The following CTNNA2 variants were observed in gnomAD, a reference collection of about 807,000 sequenced individuals.
The protein encoded by CTNNA2 is catenin alpha 2, also known as catenin alpha-2.
In CTNNA2, 42 loss-of-function variants were observed where a neutral mutation model predicts 101.0. The ratio of observed to expected loss-of-function variants is 0.42; its 90% CI spans 0.32 to 0.54. The LOEUF is 0.54. Ranked by LOEUF, CTNNA2 falls within the 20% of genes least tolerant of loss-of-function variation. The probability of loss-of-function intolerance (pLI) is 0.14; values close to 1 mark genes in which losing one functional copy is unlikely to be tolerated. For synonymous variants in CTNNA2, 450 were observed against 456.4 expected (o/e 0.99, Z 0.18); for missense variants, 871 against 1,223.1 (o/e 0.71, Z 4.29).
Position 80,589,449 on chromosome 2 carries a change from T to C in CTNNA2, c.2153T>C (p.Met718Thr). The C allele has an allele frequency of 6.2e-7, 1 of 1,614,068 alleles. No homozygotes were observed. The highest frequency in any genetic ancestry group is 1.1e-5 in the South Asian group (1 of 91,080). ...GATATCATTGTACTGGCCAAGCAGA[T>C]GTGTATGATCATGATGGAAATGACA... The part of the protein sequence containing the change: ...GNDIIVLAKQ[M>T]CMIMMEMTDF... Residue 718 changes from methionine (M) to threonine (T), a missense_variant, in exon 15 of 19, where the codon ATG (methionine) becomes ACG (threonine). Coordinates refer to ENST00000402739, the MANE Select transcript of CTNNA2 (RefSeq NM_001282597.3).
intron 2 of CTNNA2, among the ~76,000 whole-genome samples, chr2:79,209,484 C>A (rs950529605): frequency 6.6e-6 from 1 of 152,180 alleles, no homozygotes; most frequent in Non-Finnish European, 1.5e-5. Flanking sequence ...CTACCTGGTT[C>A]TCTCATTAAA....
At chr2:80,328,217 G>T in intron 7 of CTNNA2, 4 of 461,102 alleles carry the variant, frequency 8.7e-6, no homozygotes, top group Admixed American at 7.3e-5. Context: ...TTTGGGTTTT[G>T]TCATTATCTG....
At position 80,389,552 on chromosome 2, in the gene CTNNA2, C is replaced by T. The variant is rs189181426; in HGVS notation, c.1057-3659C>T. Among the ~76,000 whole-genome samples the T allele has an allele frequency of 2.5e-4, 38 of 152,176 alleles. 1 individual carries two copies. Among genetic ancestry groups the T allele is most frequent in the Admixed American group, 1.3e-3 (20 of 15,274 alleles). On this transcript the variant is annotated intron_variant, in intron 7 of 18. Coordinates refer to ENST00000402739, the MANE Select transcript of CTNNA2 (RefSeq NM_001282597.3). ...CACTCTCAGTAGCTGGCTTCCTGTC[C>T]AGTTTAAACTGATGAATTTAAAATT...
intron 3 of CTNNA2, among the ~76,000 whole-genome samples, chr2:79,366,142 C>T (rs184842705): frequency 7.2e-4 from 110 of 152,262 alleles, no homozygotes; most frequent in African/African-American, 2.3e-3. Flanking sequence ...GTGTGTGTCA[C>T]GTGCAGGGCT....
At chr2:80,310,088 A>T (rs1423126944) in intron 7 of CTNNA2, among the ~76,000 whole-genome samples, 4 of 152,164 alleles carry the variant, frequency 2.6e-5, no homozygotes, top group Non-Finnish European at 5.9e-5. Flanking sequence ...TTATTGGAAC[A>T]TTCACAAATT....
At chr2:79,258,993 T>A (rs1188650422) in intron 2 of CTNNA2, among the ~76,000 whole-genome samples, 2 of 152,110 alleles carry the variant, frequency 1.3e-5, no homozygotes, top group East Asian at 3.9e-4. Context: ...GTTCCAGGTG[T>A]GAAACGCATG....
intron 7 of CTNNA2, among the ~76,000 whole-genome samples, chr2:80,348,552 C>T (rs148658326): frequency 1.3e-5 from 2 of 152,072 alleles, no homozygotes; most frequent in Non-Finnish European, 2.9e-5. Flanking sequence ...TCCTAAAGCC[C>T]GTACTTTTCT....
At chr2:80,448,930 G>A (rs1184109142) in intron 9 of CTNNA2, among the ~76,000 whole-genome samples, 1 of 151,826 alleles carries the variant, frequency 6.6e-6, no homozygotes, top group South Asian at 2.1e-4. Flanking sequence ...AATTCTTAAG[G>A]CATTCACACT....
At chr2:80,018,499 G>A (rs1214006726) in intron 7 of CTNNA2, among the ~76,000 whole-genome samples, 2 of 152,092 alleles carry the variant, frequency 1.3e-5, no homozygotes, top group Admixed American at 6.5e-5. Context: ...GACCTTGGCC[G>A]GGCACCGTGG....
intron 7 of CTNNA2, among the ~76,000 whole-genome samples, chr2:80,067,780 T>C (rs1280396429): frequency 2.6e-5 from 4 of 152,204 alleles, no homozygotes; most frequent in Admixed American, 6.5e-5. Flanking sequence ...GATGCCATGT[T>C]TGAAGGCTAC....
intron 9 of CTNNA2, among the ~76,000 whole-genome samples, chr2:80,423,298 A>G (rs1680698317): frequency 6.6e-6 from 1 of 151,906 alleles, no homozygotes; most frequent in South Asian, 2.1e-4. Flanking sequence ...TTCTTATTTT[A>G]GTGCTGTACT....
intron 9 of CTNNA2, among the ~76,000 whole-genome samples, chr2:80,532,552 T>C (rs1279153920): frequency 1.3e-5 from 2 of 152,228 alleles, no homozygotes; most frequent in Admixed American, 1.3e-4. Context: ...TGTTCTATTT[T>C]ATTACTAGTT....
chr2:80,226,147 G>A (rs1331441170), intron 7 of CTNNA2, among the ~76,000 whole-genome samples: 1 of 152,148 alleles, frequency 6.6e-6, no homozygotes, highest in Non-Finnish European at 1.5e-5. Flanking sequence ...TTCAGCTAAT[G>A]GGACTATGTG....
intron 2 of CTNNA2, among the ~76,000 whole-genome samples, chr2:79,660,201 GTA>G (rs999433140): frequency 6.7e-6 from 1 of 149,512 alleles, no homozygotes; most frequent in African/African-American, 2.4e-5. Flanking sequence ...CAAATACTAT[GTA>G]TATATAGTAT....
At chr2:79,399,189 G>A (rs1678263912) in intron 4 of CTNNA2, among the ~76,000 whole-genome samples, 1 of 152,150 alleles carries the variant, frequency 6.6e-6, no homozygotes, top group African/African-American at 2.4e-5. Flanking sequence ...GCTGCCTGAT[G>A]CAGCATTGCC....
At chr2:80,193,404 G>T (rs915782136) in intron 7 of CTNNA2, among the ~76,000 whole-genome samples, 1 of 152,142 alleles carries the variant, frequency 6.6e-6, no homozygotes, top group Non-Finnish European at 1.5e-5. Context: ...AGTCATTGAC[G>T]ATAAAATGTG....
intron 8 of CTNNA2, among the ~76,000 whole-genome samples, chr2:80,404,520 T>C (rs904036417): frequency 6.6e-6 from 1 of 152,206 alleles, no homozygotes; most frequent in African/African-American, 2.4e-5. Context: ...AGTATGTGGT[T>C]ACATGTGTCT....
At chr2:80,203,256 C>A (rs1266156443) in intron 7 of CTNNA2, among the ~76,000 whole-genome samples, 1 of 152,196 alleles carries the variant, frequency 6.6e-6, no homozygotes, top group Non-Finnish European at 1.5e-5. Context: ...GCCTTCCCAA[C>A]AGCCCTCCAA....
At chr2:80,580,287 G>A (rs568999027) in intron 13 of CTNNA2, among the ~76,000 whole-genome samples, 3 of 152,144 alleles carry the variant, frequency 2.0e-5, no homozygotes, top group Non-Finnish European at 4.4e-5. Context: ...AAGATGGAAA[G>A]GTGTTTTGTT....
Sources: gnomAD v4.1 joint callset for allele counts (sites outside exome capture counted in the v4.1 genomes callset) on GRCh38, gnomAD v4.1.1 for gene constraint, MANE v1.5 for transcripts, NCBI Gene and HGNC (gene_info 2026-07-23, HGNC 2026-07-21) for gene names.